The following CNTRL variants were observed in gnomAD, a reference collection of about 807,000 sequenced individuals.
CNTRL encodes the protein 110 kDa centrosomal protein.
Under a neutral mutation model 303.7 loss-of-function variants are expected in CNTRL, and 233 were observed. That is an observed-to-expected ratio of 0.77 (90% CI 0.69 to 0.86). The LOEUF is 0.86. Ranked by LOEUF, CNTRL falls within the 40% of genes least tolerant of loss-of-function variation. The probability of loss-of-function intolerance (pLI) is 0.00; values close to 1 mark genes in which losing one functional copy is unlikely to be tolerated. For synonymous variants in CNTRL, 900 were observed against 922.2 expected (o/e 0.98, Z 0.44); for missense variants, 2,524 against 2,650.6 (o/e 0.95, Z 1.05).
chr9:121,101,046 C>T (rs1366750273), intron 7 of CNTRL, among the ~76,000 whole-genome samples: 1 of 152,170 alleles, frequency 6.6e-6, no homozygotes, highest in African/African-American at 2.4e-5. Context: ...CTCAGCTCTG[C>T]ACCAAGCAGA....
chr9:121,108,835 T>G (rs768142356), intron 8 of CNTRL, among the ~76,000 whole-genome samples: 1 of 152,132 alleles, frequency 6.6e-6, no homozygotes, highest in Non-Finnish European at 1.5e-5. Flanking sequence ...TGTAACAAAT[T>G]TAGACAACAC....
chr9:121,108,120 G>T, intron 8 of CNTRL, 125 bp downstream of exon 8: 1 of 603,000 alleles, frequency 1.7e-6, no homozygotes, highest in Non-Finnish European at 2.8e-6. Flanking sequence ...AGAAATATGT[G>T]GAAAGGCTTA....
chr9:121,168,059 G>A, intron 37 of CNTRL, 37 bp from the exon 38 acceptor site: 1 of 1,562,684 alleles, frequency 6.4e-7, no homozygotes, highest in Non-Finnish European at 8.7e-7. Context: ...GACACTATTT[G>A]TTGTTTAATG....
chr9:121,126,581 C>T lies in CNTRL; in HGVS notation c.2025+645C>T, dbSNP rs1231176217. On this transcript the variant is annotated intron_variant, in intron 14 of 43. Transcript: ENST00000373855. Reference sequence around the variant, plus strand: ...AATATTTAACATCATGTACTGACAACCCAGCTTAAGAAATAAAACATTATA... The same window carrying T: ...AATATTTAACATCATGTACTGACAATCCAGCTTAAGAAATAAAACATTATA... Among the ~76,000 whole-genome samples the T allele has an allele frequency of 2.0e-5, 3 of 152,068 alleles. No individual in the cohort carries two copies. The East Asian group carries it at 5.8e-4, about 29-fold the overall frequency.
At chr9:121,100,433 G>C (rs975410797) in intron 7 of CNTRL, among the ~76,000 whole-genome samples, 30 of 152,188 alleles carry the variant, frequency 2.0e-4, no homozygotes, top group African/African-American at 4.8e-4. Flanking sequence ...AGGAACAACT[G>C]GTACCAGCCA....
intron 8 of CNTRL, among the ~76,000 whole-genome samples, chr9:121,109,251 A>C (rs1357419583): frequency 6.6e-6 from 1 of 152,218 alleles, no homozygotes; most frequent in Non-Finnish European, 1.5e-5. Context: ...AAATATCTGT[A>C]CATGTTCAAT....
chr9:121,131,577 CTT>C (rs1438244441), intron 14 of CNTRL, among the ~76,000 whole-genome samples: 3 of 152,188 alleles, frequency 2.0e-5, no homozygotes, highest in Non-Finnish European at 4.4e-5. Context: ...GGTCTTGACT[CTT>C]TATCCAATTT....
chr9:121,175,188 T>C lies in CNTRL; in HGVS notation c.6918T>C (p.Ser2306=), dbSNP rs146837361. The C allele has an allele frequency of 2.1e-3, 3,439 of 1,614,136 alleles. 23 individuals carry two copies. Among genetic ancestry groups the C allele is most frequent in the South Asian group, 0.011 (1,019 of 91,086 alleles). The stretch of plus-strand genomic sequence containing the variant: ...CACCCAGTCTGTCTCAGCTGGAGTC[T>C]TCCCTCACAGAGGACTCTCAACTTG... The part of the protein sequence containing the change: ...ASSPSLSQLE[S]SLTEDSQLGQ... Residue 2306 remains serine, a synonymous_variant, in exon 43 of 44, where the codon TCT becomes TCC. Coordinates refer to ENST00000373855, the MANE Select transcript of CNTRL (RefSeq NM_007018.6).
chr9:121,110,998 A>G (rs949520435), intron 8 of CNTRL: 2 of 152,112 alleles, frequency 1.3e-5, no homozygotes, highest in Non-Finnish European at 2.9e-5. Flanking sequence ...CAGTTCATGT[A>G]TTCTCTGTGA....
Position 121,088,431 on chromosome 9 carries a change from T to A in CNTRL, c.105T>A (p.Leu35=). 6.2e-7 allele frequency: 1 copy of A among 1,612,210 alleles called. No homozygotes were observed. The highest frequency in any genetic ancestry group is 1.1e-5 in the South Asian group (1 of 91,022). The stretch of plus-strand genomic sequence containing the variant: ...TGTCCAATATGAGATCTAGGTCACT[T>A]TCACCTTTGATTGGATCAGAGACTC... The part of the protein sequence containing the change: ...SSMSNMRSRS[L]SPLIGSETLP... The change falls in exon 3 of 44, where the codon CTT becomes CTA. Residue 35 remains leucine, a synonymous_variant. Coordinates refer to ENST00000373855, the MANE Select transcript of CNTRL (RefSeq NM_007018.6).
At chr9:121,129,029 T>A (rs1005478333) in intron 14 of CNTRL, among the ~76,000 whole-genome samples, 1 of 152,246 alleles carries the variant, frequency 6.6e-6, no homozygotes, top group Admixed American at 6.5e-5. Flanking sequence ...TACCATGTTG[T>A]TTTGTTTACT....
intron 40 of CNTRL, among the ~76,000 whole-genome samples, chr9:121,171,947 C>A (rs1336627493): frequency 6.6e-6 from 1 of 152,170 alleles, no homozygotes; most frequent in East Asian, 1.9e-4. Flanking sequence ...TGTAGCCAGG[C>A]AGAGAGTATT....
chr9:121,086,704 G>A lies in CNTRL; in HGVS notation c.-31-1592G>A, dbSNP rs140162980. Among the ~76,000 whole-genome samples the A allele has an allele frequency of 5.0e-4, 75 of 149,256 alleles. 1 individual carries two copies. In the East Asian group the frequency reaches 0.012, roughly 24 times the overall value. On this transcript the variant is annotated intron_variant, in intron 2 of 43. Coordinates refer to ENST00000373855, the MANE Select transcript of CNTRL (RefSeq NM_007018.6). ...TTCCCAGGCTGGACTGCAGTGGCGC[G>A]ATCTAGGCTCACTGCAGCTTCTGCC...
rs7866615 is a variant in CNTRL at position 121,140,140 on chromosome 9, T to G, written c.2338-501T>G. Among the ~76,000 whole-genome samples, 501 of 152,314 alleles carry G rather than the reference T, an allele frequency of 3.3e-3. 3 individuals are homozygous for G. The highest frequency in any genetic ancestry group is 0.011 in the African/African-American group (469 of 41,578). ...CATGTTGATATAGGGGCTCTCTCAT[T>G]TCTCTTTTTCCATCTCTCCGAGCAT... On this transcript the variant is annotated intron_variant, in intron 16 of 43. Coordinates refer to ENST00000373855, the MANE Select transcript of CNTRL (RefSeq NM_007018.6).
intron 4 of CNTRL, among the ~76,000 whole-genome samples, chr9:121,094,602 T>G (rs1181609865): frequency 6.6e-6 from 1 of 151,938 alleles, no homozygotes. Context: ...ATGGCAAAAG[T>G]GAGGTAGAGG....
chr9:121,163,823 A>T (rs962914100), intron 34 of CNTRL, among the ~76,000 whole-genome samples: 1 of 151,906 alleles, frequency 6.6e-6, no homozygotes, highest in Non-Finnish European at 1.5e-5. Context: ...CTACACACCT[A>T]TTAGAACAAC....
At position 121,157,475 on chromosome 9, in the gene CNTRL, A is replaced by G; in HGVS notation, c.4371A>G (p.Lys1457=). Residue 1457 remains lysine, a synonymous_variant, in exon 28 of 44, where the codon AAA becomes AAG. Transcript: ENST00000373855. The stretch of plus-strand genomic sequence containing the variant: ...AATGACAGTTTCTTTTCTAGACAAA[A>G]AATGCTGTTGAAAAGTTCACTGATG... ...SELSCTKEKT[K]NAVEKFTDAK... 1 of 1,613,398 alleles carries G rather than the reference A, an allele frequency of 6.2e-7. No individual in the cohort carries two copies. The highest frequency in any genetic ancestry group is 8.5e-7 in the Non-Finnish European group (1 of 1,179,782).
intron 16 of CNTRL, among the ~76,000 whole-genome samples, chr9:121,139,437 G>C (rs916790612): frequency 6.6e-6 from 1 of 152,036 alleles, no homozygotes; most frequent in East Asian, 1.9e-4. Flanking sequence ...ACTACGTAGG[G>C]GGATTTGAGA....
chr9:121,136,651 C>G (rs2051213718), intron 15 of CNTRL, among the ~76,000 whole-genome samples: 1 of 152,178 alleles, frequency 6.6e-6, no homozygotes, highest in Non-Finnish European at 1.5e-5. Flanking sequence ...AGTTTGCTGT[C>G]TCCTTTTAGG....
Sources: allele counts gnomAD v4.1 joint callset (sites outside exome capture counted in the v4.1 genomes callset), GRCh38; gene constraint gnomAD v4.1.1; transcripts MANE v1.5; gene names NCBI Gene and HGNC (gene_info 2026-07-23, HGNC 2026-07-21).